Variants in NUP62CL observed in about 807,000 individuals in gnomAD.
NUP62CL encodes nucleoporin-62 C-terminal-like protein.
Under a neutral mutation model 15.3 loss-of-function variants are expected in NUP62CL, and 13 were observed. The ratio of observed to expected loss-of-function variants is 0.85; its 90% CI spans 0.55 to 1.35. The LOEUF is 1.35. Ranked by LOEUF, NUP62CL falls within the 40% of genes most tolerant of loss-of-function variation. NUP62CL has a pLI of 0.00. For missense variants in NUP62CL, 123 were observed against 130.6 expected (o/e 0.94, Z 0.28); for synonymous variants, 54 against 49.2 (o/e 1.10, Z -0.41).
At chrX:107,173,060 A>G (rs752549108) in intron 3 of NUP62CL, among the ~76,000 whole-genome samples, 1 of 112,081 alleles carries the variant, frequency 8.9e-6, no homozygotes, top group East Asian at 2.8e-4. Context: ...TTTTAATGCA[A>G]ATCCCAAGGT....
chrX:107,177,120 A>G (rs1189094194), intron 2 of NUP62CL, among the ~76,000 whole-genome samples: 2 of 112,181 alleles, frequency 1.8e-5, no homozygotes, highest in East Asian at 5.6e-4. Context: ...GTAAGGTTGC[A>G]GGATACAAGA....
At chrX:107,154,393 T>C in intron 4 of NUP62CL, 147 bp from the exon 5 acceptor site, 1 of 349,516 alleles carries the variant, frequency 2.9e-6, no homozygotes, top group African/African-American at 5.4e-5. Context: ...CAAACATAAC[T>C]GGTAAAGATG....
intron 2 of NUP62CL, among the ~76,000 whole-genome samples, chrX:107,189,676 A>G (rs1241111819): frequency 9.4e-6 from 1 of 106,912 alleles, no homozygotes; most frequent in East Asian, 2.9e-4. Context: ...GGTCCCAGCT[A>G]CTCAGGAGGC....
chrX:107,188,389 T>TG (rs1927121862), intron 2 of NUP62CL, among the ~76,000 whole-genome samples: 1 of 110,641 alleles, frequency 9.0e-6, no homozygotes, highest in Non-Finnish European at 1.9e-5. Context: ...AAAAAGCATT[T>TG]GAAAAACTTC....
At position 107,184,595 on chromosome X, in the gene NUP62CL, A is replaced by G. The variant is rs896141299; in HGVS notation, c.-48+8434T>C. Among the ~76,000 whole-genome samples the G allele has an allele frequency of 2.7e-5, 3 of 111,634 alleles. No individual in the cohort carries two copies. The East Asian group carries it at 8.4e-4, about 31-fold the overall frequency. On this transcript the variant is annotated intron_variant, in intron 2 of 8. Coordinates refer to ENST00000372466, the MANE Select transcript of NUP62CL (RefSeq NM_017681.3). ...TTAACAGAGCATCAGGTCCTGTTGGACTATAACCAAGGACTTAACTTTCGT... is the reference window on the plus strand; with the variant it reads ...TTAACAGAGCATCAGGTCCTGTTGGGCTATAACCAAGGACTTAACTTTCGT...
intron 1 of NUP62CL, among the ~76,000 whole-genome samples, chrX:107,199,615 G>A (rs758623027): frequency 6.3e-5 from 7 of 111,828 alleles, no homozygotes; most frequent in Non-Finnish European, 1.3e-4. Flanking sequence ...TCCCTAAACC[G>A]CCTAGTTATT....
At chrX:107,175,259 T>A in intron 2 of NUP62CL, 66 bp from the exon 3 acceptor site, 1 of 539,797 alleles carries the variant, frequency 1.9e-6, no homozygotes, top group African/African-American at 2.3e-5. Flanking sequence ...TAAAACAACA[T>A]TATGACAAGG....
intron 8 of NUP62CL, among the ~76,000 whole-genome samples, chrX:107,130,377 C>T (rs754947901): frequency 8.9e-6 from 1 of 111,961 alleles, no homozygotes; most frequent in Non-Finnish European, 1.9e-5. Context: ...AAAATTATTT[C>T]CAAGCTAAAA....
chrX:107,149,789 T>C (rs777256824), intron 7 of NUP62CL, among the ~76,000 whole-genome samples: 4 of 111,654 alleles, frequency 3.6e-5, no homozygotes, highest in Non-Finnish European at 5.7e-5. Flanking sequence ...GAAAGCACAA[T>C]GGGAACTCCC....
chrX:107,149,925 A>AG (rs2147797367), intron 7 of NUP62CL, among the ~76,000 whole-genome samples: 1 of 109,163 alleles, frequency 9.2e-6, no homozygotes, highest in East Asian at 2.8e-4. Context: ...GTATAGAGAA[A>AG]GAAAAAAAAA....
At chrX:107,190,607 T>C (rs1569365861) in intron 2 of NUP62CL, among the ~76,000 whole-genome samples, 1 of 111,796 alleles carries the variant, frequency 8.9e-6, no homozygotes, top group East Asian at 2.8e-4. Flanking sequence ...GTGACCACAT[T>C]TGGATTTGAA....
intron 8 of NUP62CL, among the ~76,000 whole-genome samples, chrX:107,138,650 C>G (rs959732749): frequency 9.0e-6 from 1 of 111,418 alleles, no homozygotes; most frequent in Non-Finnish European, 1.9e-5. Flanking sequence ...TGAAAAATAG[C>G]GAAAATACCA....
chrX:107,152,109 TATATTCAG>T (rs1282591270), intron 7 of NUP62CL, among the ~76,000 whole-genome samples: 1 of 63,013 alleles, frequency 1.6e-5, no homozygotes, highest in Non-Finnish European at 2.6e-5. Context: ...GATATATATA[TATATTCAG>T]ATATATATAT....
rs769088756 is a variant in NUP62CL at position 107,174,042 on chromosome X, TCTCTCTCTCTCTCCCTCCCTCCCTCC to T, written c.58+1021_58+1046del. On this transcript the variant is annotated intron_variant, in intron 3 of 8. Transcript: ENST00000372466. ...CTTTTCTTTTTTTTCTTTCTTTCTC[TCTCTCTCTCTCTCCCTCCCTCCCTCC>T]CTCTCTCTCTCTCCCTCCCTCCCTT... 4.1e-3 allele frequency among the ~76,000 whole-genome samples: 398 copies of T among 96,037 alleles called. 3 individuals are homozygous for T. The highest frequency in any genetic ancestry group is 0.015 in the African/African-American group (383 of 25,309). 83.4% of individuals were successfully genotyped at this position (96,037 alleles called of 115,157 possible).
intron 1 of NUP62CL, among the ~76,000 whole-genome samples, chrX:107,196,376 T>C (rs776957702): frequency 2.8e-4 from 31 of 111,899 alleles, no homozygotes; most frequent in Admixed American, 1.3e-3. Flanking sequence ...CCAATTATTA[T>C]GAATTGTCAG....
At chrX:107,171,662 C>T (rs191191581) in intron 3 of NUP62CL, among the ~76,000 whole-genome samples, 108 of 111,617 alleles carry the variant, frequency 9.7e-4, no homozygotes, top group African/African-American at 3.3e-3. Flanking sequence ...TCCCACAACA[C>T]ATGGGAATTA....
At chrX:107,169,104 T>G (rs754606925) in intron 3 of NUP62CL, among the ~76,000 whole-genome samples, 29 of 111,854 alleles carry the variant, frequency 2.6e-4, no homozygotes, top group Non-Finnish European at 3.8e-5. Flanking sequence ...TTTTCAAAAA[T>G]TTAGCAATAC....
At chrX:107,160,648 T>G (rs931585425) in intron 4 of NUP62CL, among the ~76,000 whole-genome samples, 1 of 110,713 alleles carries the variant, frequency 9.0e-6, no homozygotes, top group Non-Finnish European at 1.9e-5. Flanking sequence ...GATTAAAGAT[T>G]TAAACGTTAG....
At chrX:107,141,219 C>G (rs1325150014) in intron 8 of NUP62CL, among the ~76,000 whole-genome samples, 1 of 112,159 alleles carries the variant, frequency 8.9e-6, no homozygotes, top group East Asian at 2.8e-4. Context: ...GCTTTCCTAA[C>G]AGCAGCTGAA....
Sources: allele counts gnomAD v4.1 joint callset (sites outside exome capture counted in the v4.1 genomes callset), GRCh38; gene constraint gnomAD v4.1.1; transcripts MANE v1.5; gene names NCBI Gene and HGNC (gene_info 2026-07-23, HGNC 2026-07-21).